The following NSUN2 variants were observed in gnomAD, a reference collection of about 807,000 sequenced individuals.
NSUN2 encodes the protein NOP2/Sun RNA methyltransferase 2.
Under a neutral mutation model 92.7 loss-of-function variants are expected in NSUN2, and 63 were observed. The ratio of observed to expected loss-of-function variants is 0.68; its 90% CI spans 0.56 to 0.84. The LOEUF is 0.84. Ranked by LOEUF, NSUN2 falls within the 40% of genes least tolerant of loss-of-function variation. The probability of loss-of-function intolerance (pLI) is 0.00; values close to 1 mark genes in which losing one functional copy is unlikely to be tolerated. For missense variants in NSUN2, 989 were observed against 964.9 expected (o/e 1.02, Z -0.33); for synonymous variants, 356 against 348.3 (o/e 1.02, Z -0.25).
At chr5:6,632,461 C>T (rs1737959186) in intron 2 of NSUN2, 138 bp downstream of exon 2, 1 of 977,010 alleles carries the variant, frequency 1.0e-6, no homozygotes, top group Non-Finnish European at 1.5e-6. Context: ...GTGCTCCCCA[C>T]CTCAATGCTT....
In NSUN2 at chr5:6,599,791, C is replaced by T; in HGVS notation, c.*135G>A. On this transcript the variant is annotated 3_prime_UTR_variant, in exon 19 of 19. Transcript: ENST00000264670. ...TGGTCATTCAGAAGGCTCCTATGATCCCACCAGTCTGCAGTCATTAGAAAT... is the reference window on the plus strand; with the variant it reads ...TGGTCATTCAGAAGGCTCCTATGATTCCACCAGTCTGCAGTCATTAGAAAT... 5 of 742,972 alleles carry T rather than the reference C, an allele frequency of 6.7e-6. No individual in the cohort carries two copies. Among genetic ancestry groups the T allele is most frequent in the South Asian group, 1.7e-5 (1 of 58,792 alleles). 46.0% of individuals were successfully genotyped at this position (742,972 alleles called of 1,614,324 possible).
chr5:6,604,392 CCCCTCCCCTTGGACAGGTGTGGAACCCA>C lies in NSUN2; in HGVS notation c.1819-144_1819-117del, dbSNP rs940553766. Reference sequence around the variant, plus strand: ...TATGGTGGTCGAGCCCTCACTATGGCCCCTCCCCTTGGACAGGTGTGGAACCCACCCCCCCCTAGGAGGGGAAACCAGC... The same window carrying C: ...TATGGTGGTCGAGCCCTCACTATGGCCCCCCCCCTAGGAGGGGAAACCAGC... On this transcript the variant is annotated intron_variant, in intron 16 of 18. Transcript: ENST00000264670. 4 of 1,050,894 alleles carry C rather than the reference CCCCTCCCCTTGGACAGGTGTGGAACCCA, an allele frequency of 3.8e-6. No homozygotes were observed. In the African/African-American group the frequency reaches 6.5e-5, roughly 17 times the overall value. 65.1% of individuals were successfully genotyped at this position (1,050,894 alleles called of 1,614,324 possible).
chr5:6,623,317 A>AT, intron 4 of NSUN2, 32 bp from the exon 5 acceptor site: 1 of 1,425,400 alleles, frequency 7.0e-7, no homozygotes, highest in South Asian at 1.3e-5. Flanking sequence ...AGCAACAATT[A>AT]GGAAAAAAAA....
rs531481708 is a variant in NSUN2, at chr5:6,600,531, C to T, written c.1998-299G>A. Among the ~76,000 whole-genome samples, 4 of 152,290 alleles carry T rather than the reference C, an allele frequency of 2.6e-5. No homozygotes were observed. In the South Asian group the frequency reaches 6.2e-4, roughly 24 times the overall value. ...ATACACTTTCTACATACTTCCTTCT[C>T]AAACTTAACTTACTGTCCCCGCCAC... On this transcript the variant is annotated intron_variant, in intron 18 of 18. Transcript: ENST00000264670.
intron 3 of NSUN2, among the ~76,000 whole-genome samples, chr5:6,626,763 G>A (rs1220398002): frequency 6.6e-6 from 1 of 152,204 alleles, no homozygotes; most frequent in Non-Finnish European, 1.5e-5. Context: ...AGTGTACCAC[G>A]TCACACGGCC....
chr5:6,606,740 G>T, intron 14 of NSUN2, 80 bp downstream of exon 14: 2 of 767,864 alleles, frequency 2.6e-6, no homozygotes, highest in Non-Finnish European at 2.2e-6. Flanking sequence ...ACAAAACAAT[G>T]GTTACATGTG....
intron 7 of NSUN2, among the ~76,000 whole-genome samples, chr5:6,618,667 C>T (rs1294763054): frequency 6.6e-6 from 1 of 152,092 alleles, no homozygotes; most frequent in Non-Finnish European, 1.5e-5. Context: ...TTACTAATAG[C>T]TAAATTTTTC....
intron 4 of NSUN2, among the ~76,000 whole-genome samples, chr5:6,624,970 T>G (rs1476579172): frequency 6.6e-6 from 1 of 152,092 alleles, no homozygotes; most frequent in African/African-American, 2.4e-5. Flanking sequence ...CTCAGCACCT[T>G]AACTGCACTC....
chr5:6,616,018 A>G (rs1262657492), intron 9 of NSUN2, among the ~76,000 whole-genome samples: 1 of 152,236 alleles, frequency 6.6e-6, no homozygotes, highest in Non-Finnish European at 1.5e-5. Context: ...ATGTGTAGAG[A>G]AATTGGAACC....
chr5:6,623,397 A>G (rs1195751257), intron 4 of NSUN2, 112 bp from the exon 5 acceptor site: 6 of 842,458 alleles, frequency 7.1e-6, no homozygotes, highest in Non-Finnish European at 1.1e-5. Flanking sequence ...ATAATCTTAT[A>G]CAGAATGAGA....
chr5:6,627,583 G>C (rs1232317422), intron 3 of NSUN2, among the ~76,000 whole-genome samples: 1 of 152,176 alleles, frequency 6.6e-6, no homozygotes, highest in African/African-American at 2.4e-5. Flanking sequence ...ACTATTACAA[G>C]ATTAAAATTC....
At chr5:6,630,089 A>T (rs940721392) in intron 3 of NSUN2, among the ~76,000 whole-genome samples, 1 of 152,206 alleles carries the variant, frequency 6.6e-6, no homozygotes, top group Non-Finnish European at 1.5e-5. Context: ...CGACTTGAGC[A>T]AAGTCTACAA....
intron 14 of NSUN2, 61 bp from the exon 15 acceptor site, chr5:6,605,469 A>G: frequency 3.8e-6 from 6 of 1,560,002 alleles, no homozygotes; most frequent in East Asian, 4.5e-5. Context: ...GACTGTTTCT[A>G]AACATCTTAT....
chr5:6,602,428 G>C, intron 18 of NSUN2, 33 bp downstream of exon 18: 1 of 1,604,640 alleles, frequency 6.2e-7, no homozygotes. Flanking sequence ...GACAAGGCGT[G>C]TGTGTCTAAG....
In NSUN2 at chr5:6,618,005, T is replaced by C; in HGVS notation, c.835A>G (p.Lys279Glu). Reference protein sequence around the residue: ...VPCSGDGTMRKNIDVWKKWTT... With the variant: ...VPCSGDGTMRENIDVWKKWTT... ...CACTTTTTCCAAACATCAATGTTTTTTCTCATAGTGCCGTCTCCACTGGAA... is the reference window on the plus strand; with the variant it reads ...CACTTTTTCCAAACATCAATGTTTTCTCTCATAGTGCCGTCTCCACTGGAA... The change falls in exon 8 of 19, where the codon AAA becomes GAA. Residue 279 changes from lysine to glutamate, a missense_variant. Around this residue, in one of 3 missense-constraint regions of NSUN2, gnomAD observed 7 missense variants for 24.1 expected, o/e 0.29. Coordinates refer to ENST00000264670, the MANE Select transcript of NSUN2 (RefSeq NM_017755.6). 6.2e-7 allele frequency: 1 copy of C among 1,613,716 alleles called. No homozygotes were observed. Among genetic ancestry groups the C allele is most frequent in the Non-Finnish European group, 8.5e-7 (1 of 1,179,716 alleles).
chr5:6,621,560 A>G (rs1007667968), intron 6 of NSUN2: 1 of 153,348 alleles, frequency 6.5e-6, no homozygotes, highest in Non-Finnish European at 1.5e-5. Context: ...CATCCTGGCT[A>G]ACATGGTGAA....
At chr5:6,606,323 G>A (rs1041394564) in intron 14 of NSUN2, among the ~76,000 whole-genome samples, 6 of 151,960 alleles carry the variant, frequency 3.9e-5, no homozygotes, top group South Asian at 2.1e-4. Context: ...TCGCTCTGTC[G>A]CCCAGGCTGG....
Position 6,623,238 on chromosome 5 carries a change from G to A in NSUN2, c.513C>T (p.Leu171=). ...QEAVSMIPPL[L]LNVRPHHKIL... is the part of the protein sequence containing the mutation. Reference sequence around the variant, plus strand: ...CCTTATGATGAGGCCGCACGTTGAGGAGCAGTGGTGGGATCATGCTAACAG... The same window carrying A: ...CCTTATGATGAGGCCGCACGTTGAGAAGCAGTGGTGGGATCATGCTAACAG... The change falls in exon 5 of 19, where the codon CTC becomes CTT. Residue 171 remains leucine (L), a synonymous_variant. Transcript: ENST00000264670. 1.9e-6 allele frequency: 3 copies of A among 1,606,446 alleles called. No homozygotes were observed. The highest frequency in any genetic ancestry group is 1.7e-6 in the Non-Finnish European group (2 of 1,178,302).
At chr5:6,617,818 T>C in intron 8 of NSUN2, 132 bp downstream of exon 8, 2 of 567,846 alleles carry the variant, frequency 3.5e-6, no homozygotes, top group Non-Finnish European at 6.1e-6. Flanking sequence ...GATAAAACAG[T>C]TGAAGGTGGC....
Sources: gnomAD v4.1 joint callset for allele counts (sites outside exome capture counted in the v4.1 genomes callset) on GRCh38, gnomAD v4.1.1 for gene constraint, gnomAD v4.1.1 regional missense constraint, MANE v1.5 for transcripts, NCBI Gene and HGNC (gene_info 2026-07-23, HGNC 2026-07-21) for gene names.